Variants in GPCPD1 observed in about 807,000 individuals in gnomAD.
GPCPD1 encodes the protein glycerophosphocholine phosphodiesterase GPCPD1.
In GPCPD1, 29 loss-of-function variants were observed where a neutral mutation model predicts 89.2. The observed-to-expected ratio is 0.33, with a 90% CI of 0.24 to 0.44. The LOEUF is 0.44. GPCPD1 is among the 20% of genes least tolerant of loss of function. The pLI is 1.00. For missense variants in GPCPD1, 594 were observed against 808.9 expected, an observed-to-expected ratio of 0.73 and a Z score of 3.22; for synonymous variants, 258 against 266.3, an observed-to-expected ratio of 0.97 and a Z score of 0.30.
intron 14 of GPCPD1, 48 bp from the exon 15 acceptor site, chr20:5,565,126 C>G (rs762035617): frequency 9.8e-6 from 9 of 914,886 alleles, no homozygotes; most frequent in Admixed American, 1.8e-5. Context: ...GCCACTATAT[C>G]ACTAAGAGCT....
intron 12 of GPCPD1, 37 bp from the exon 13 acceptor site, chr20:5,567,597 G>T (rs1425941330): frequency 6.7e-7 from 1 of 1,492,992 alleles, no homozygotes; most frequent in Non-Finnish European, 8.9e-7. Context: ...GAAAAAGAAA[G>T]AATAAAGAAA....
At chr20:5,605,608 G>T (rs1018449377) in intron 1 of GPCPD1, among the ~76,000 whole-genome samples, 1 of 151,324 alleles carries the variant, frequency 6.6e-6, no homozygotes, top group Admixed American at 6.6e-5. Context: ...GAGAAACCCC[G>T]TCTCTACTAA....
intron 8 of GPCPD1, among the ~76,000 whole-genome samples, chr20:5,576,419 CAA>C (rs11286776): frequency 5.9e-3 from 539 of 90,708 alleles, no homozygotes; most frequent in Non-Finnish European, 7.6e-3. Context: ...CACTCCATCT[CAA>C]AAAAAAAAAA....
At chr20:5,603,743 ATT>A (rs1980345405) in intron 2 of GPCPD1, among the ~76,000 whole-genome samples, 2 of 146,314 alleles carry the variant, frequency 1.4e-5, no homozygotes, top group Non-Finnish European at 3.0e-5. Context: ...TCACCAACTT[ATT>A]CTTTTTTTTT....
Position 5,580,138 on chromosome 20 carries a change from GAATA to G in GPCPD1, c.350-11_350-8del, listed in dbSNP as rs766921356. The G allele has an allele frequency of 2.2e-5, 30 of 1,385,520 alleles. No homozygotes were observed. In the East Asian group the frequency reaches 2.5e-4, roughly 12 times the overall value. 85.8% of individuals were successfully genotyped at this position (1,385,520 alleles called of 1,614,324 possible). ...TCCAGAGTTTCAACACCATCTGACA[GAATA>G]AATATGAAGAACAGTAATTATTATA... On this transcript the variant is annotated splice_region_variant and splice_polypyrimidine_tract_variant and intron_variant, in intron 6 of 19. Coordinates refer to ENST00000379019, the MANE Select transcript of GPCPD1 (RefSeq NM_019593.5).
At chr20:5,601,245 A>G (rs1379274640) in intron 2 of GPCPD1, among the ~76,000 whole-genome samples, 1 of 151,874 alleles carries the variant, frequency 6.6e-6, no homozygotes, top group African/African-American at 2.4e-5. Context: ...TTGTGCACCT[A>G]TAGTCCCAGT....
chr20:5,582,222 A>T (rs1465682507), intron 6 of GPCPD1, among the ~76,000 whole-genome samples: 36 of 140,754 alleles, frequency 2.6e-4, no homozygotes, highest in African/African-American at 8.4e-4. Flanking sequence ...AAAAAAAACT[A>T]CTACTCCATA....
intron 1 of GPCPD1, 59 bp downstream of exon 1, chr20:5,610,755 CAGGCCCGCCGCGTCCCGGGCCGCCCTGA>C (rs1980917099): frequency 6.7e-6 from 1 of 150,228 alleles, no homozygotes; most frequent in East Asian, 2.0e-4. Context: ...CCCGACGCCC[CAGGCCCGCCGCGTCCCGGGCCGCCCTGA>C]CAGCTCAGCC....
At chr20:5,579,573 C>A (rs1169063756) in intron 7 of GPCPD1, among the ~76,000 whole-genome samples, 3 of 152,154 alleles carry the variant, frequency 2.0e-5, no homozygotes, top group Non-Finnish European at 4.4e-5. Flanking sequence ...GTCTTGAACT[C>A]CCGACCTCAG....
chr20:5,593,771 G>A (rs1296210438), intron 3 of GPCPD1, among the ~76,000 whole-genome samples: 1 of 152,214 alleles, frequency 6.6e-6, no homozygotes, highest in Non-Finnish European at 1.5e-5. Context: ...TAAAGAGCCA[G>A]GATAAGTTTC....
At chr20:5,603,414 GA>G (rs1405618651) in intron 2 of GPCPD1, among the ~76,000 whole-genome samples, 1 of 152,188 alleles carries the variant, frequency 6.6e-6, no homozygotes, top group African/African-American at 2.4e-5. Context: ...TGGCAGTGGG[GA>G]CAGGGGAGAG....
intron 15 of GPCPD1, among the ~76,000 whole-genome samples, chr20:5,563,386 A>AT (rs1007666243): frequency 3.3e-5 from 5 of 152,168 alleles, no homozygotes. Flanking sequence ...ACAATTTAAA[A>AT]TTTTTTTCCT....
At chr20:5,580,216 T>G in intron 6 of GPCPD1, 85 bp from the exon 7 acceptor site, 1 of 655,598 alleles carries the variant, frequency 1.5e-6, no homozygotes, top group Non-Finnish European at 2.6e-6. Flanking sequence ...TTGATAATTC[T>G]AGTTCACATT....
At chr20:5,591,661 T>C (rs1323081436) in intron 4 of GPCPD1, among the ~76,000 whole-genome samples, 2 of 152,240 alleles carry the variant, frequency 1.3e-5, no homozygotes, top group Middle Eastern at 3.2e-3. Context: ...TTCTATTATT[T>C]GACAATGTAC....
chr20:5,598,290 C>T (rs1385431546), intron 3 of GPCPD1, among the ~76,000 whole-genome samples: 2 of 152,100 alleles, frequency 1.3e-5, no homozygotes, highest in Middle Eastern at 3.2e-3. Context: ...CCTATAGTCA[C>T]AGCTACTCAG....
At chr20:5,594,764 T>C (rs542621018) in intron 3 of GPCPD1, among the ~76,000 whole-genome samples, 1 of 152,364 alleles carries the variant, frequency 6.6e-6, no homozygotes, top group African/African-American at 2.4e-5. Flanking sequence ...ATATAGCTCA[T>C]TGTATTGCAC....
chr20:5,596,501 A>C (rs1450392802), intron 3 of GPCPD1, among the ~76,000 whole-genome samples: 2 of 152,226 alleles, frequency 1.3e-5, no homozygotes, highest in Non-Finnish European at 2.9e-5. Context: ...GGTTTAGTGC[A>C]GCTGCCTAAT....
chr20:5,596,776 A>C (rs1979759017), intron 3 of GPCPD1, among the ~76,000 whole-genome samples: 1 of 152,162 alleles, frequency 6.6e-6, no homozygotes, highest in African/African-American at 2.4e-5. Context: ...ATTCCAAAGA[A>C]ACACAATTTT....
chr20:5,573,491 C>T (rs988335300), intron 11 of GPCPD1, among the ~76,000 whole-genome samples: 2 of 152,176 alleles, frequency 1.3e-5, no homozygotes, highest in Non-Finnish European at 2.9e-5. Flanking sequence ...CAGATACTCA[C>T]TTTGGAAAAA....
Sources: gnomAD v4.1 joint callset for allele counts (sites outside exome capture counted in the v4.1 genomes callset) on GRCh38, gnomAD v4.1.1 for gene constraint, MANE v1.5 for transcripts, NCBI Gene and HGNC (gene_info 2026-07-23, HGNC 2026-07-21) for gene names.